Variants in ARHGAP24 observed in about 807,000 individuals in gnomAD.
The protein encoded by ARHGAP24 is rho GTPase-activating protein 24.
ARHGAP24 carries 50 observed loss-of-function variants against 76.4 expected under a neutral mutation model. That is an observed-to-expected ratio of 0.65 (90% CI 0.52 to 0.83). The LOEUF is 0.83. ARHGAP24 is among the 40% of genes least tolerant of loss of function. The pLI, the probability that ARHGAP24 is intolerant of heterozygous loss-of-function variation, is 0.00. For missense variants in ARHGAP24, 930 were observed against 914.2 expected (o/e 1.02, Z -0.22); for synonymous variants, 345 against 323.3 (o/e 1.07, Z -0.72).
chr4:85,782,976 G>C (rs1179470749), intron 3 of ARHGAP24, among the ~76,000 whole-genome samples: 1 of 152,130 alleles, frequency 6.6e-6, no homozygotes, highest in Non-Finnish European at 1.5e-5. Context: ...GATTATTGGA[G>C]TATTTGTTAC....
At position 85,813,818 on chromosome 4, in the gene ARHGAP24, TTATATA is replaced by T. The variant is rs35261368; in HGVS notation, c.268+91866_268+91871del. ...TTATATAAATATATATATATTTATT[TTATATA>T]TATATATATATATATATATTTGTAG... On this transcript the variant is annotated intron_variant, in intron 3 of 9. Transcript: ENST00000395184. Among the ~76,000 whole-genome samples, 218 of 137,144 alleles carry T rather than the reference TTATATA, an allele frequency of 1.6e-3. 1 individual carries two copies. The highest frequency in any genetic ancestry group is 4.1e-3 in the African/African-American group (150 of 36,160). 90.0% of individuals were successfully genotyped at this position (137,144 alleles called of 152,430 possible).
intron 3 of ARHGAP24, among the ~76,000 whole-genome samples, chr4:85,885,373 T>C (rs1315715547): frequency 6.6e-6 from 1 of 152,092 alleles, no homozygotes; most frequent in Non-Finnish European, 1.5e-5. Flanking sequence ...GCTTTTCAAC[T>C]AAGGGCCAGT....
chr4:85,523,828 TAA>T (rs11304208), intron 1 of ARHGAP24, among the ~76,000 whole-genome samples: 16 of 146,478 alleles, frequency 1.1e-4, no homozygotes, highest in Admixed American at 3.4e-4. Flanking sequence ...GTTCCTTGGT[TAA>T]AAAAAAAAAG....
intron 3 of ARHGAP24, among the ~76,000 whole-genome samples, chr4:85,859,096 A>G (rs1731739210): frequency 6.6e-6 from 1 of 152,042 alleles, no homozygotes; most frequent in Non-Finnish European, 1.5e-5. Context: ...GTATTAAAAC[A>G]TGGTTTGACC....
chr4:85,569,034 C>A (rs1289536879), intron 1 of ARHGAP24, among the ~76,000 whole-genome samples: 1 of 152,154 alleles, frequency 6.6e-6, no homozygotes, highest in African/African-American at 2.4e-5. Flanking sequence ...AGATTTGACC[C>A]TGAGCCTTCA....
At chr4:85,853,908 C>T (rs933247465) in intron 3 of ARHGAP24, among the ~76,000 whole-genome samples, 6 of 151,858 alleles carry the variant, frequency 4.0e-5, no homozygotes, top group African/African-American at 4.8e-5. Flanking sequence ...GAGCTGAGAT[C>T]GCACCACTGC....
chr4:85,801,673 A>T (rs1728583315), intron 3 of ARHGAP24, among the ~76,000 whole-genome samples: 1 of 152,388 alleles, frequency 6.6e-6, no homozygotes, highest in African/African-American at 2.4e-5. Context: ...TGTTCCCTGT[A>T]GATCAAACCA....
intron 4 of ARHGAP24, among the ~76,000 whole-genome samples, chr4:85,939,297 T>A (rs547039340): frequency 6.6e-6 from 1 of 152,152 alleles, no homozygotes; most frequent in African/African-American, 2.4e-5. Context: ...TTTTTAATTA[T>A]GAGAAAATGA....
intron 1 of ARHGAP24, among the ~76,000 whole-genome samples, chr4:85,524,204 C>G (rs1470344667): frequency 6.6e-6 from 1 of 152,130 alleles, no homozygotes; most frequent in Non-Finnish European, 1.5e-5. Flanking sequence ...TCTGATACCC[C>G]TCCTCCAACC....
At chr4:85,931,585 A>T (rs1736335253) in intron 4 of ARHGAP24, among the ~76,000 whole-genome samples, 1 of 152,196 alleles carries the variant, frequency 6.6e-6, no homozygotes, top group East Asian at 1.9e-4. Flanking sequence ...TCACCCTGAC[A>T]TTTCAAATAT....
At chr4:85,537,346 A>T (rs1725506209) in intron 1 of ARHGAP24, among the ~76,000 whole-genome samples, 2 of 152,146 alleles carry the variant, frequency 1.3e-5, no homozygotes, top group Non-Finnish European at 2.9e-5. Context: ...TCAGCCATTT[A>T]TATTCCAACA....
chr4:85,965,105 G>A (rs1017425016), intron 5 of ARHGAP24, among the ~76,000 whole-genome samples: 3 of 152,030 alleles, frequency 2.0e-5, no homozygotes, highest in Non-Finnish European at 4.4e-5. Flanking sequence ...AAGACATACC[G>A]GAGACTGCGC....
In ARHGAP24 at chr4:85,994,662, A is replaced by C; in HGVS notation, c.1008A>C (p.Gln336His). ...DCLFPKDAEL[Q>H]SKPQDGVSNN... ...TCTTTCCCAAAGATGCAGAACTACAAAGCAAGCCCCAAGATGGAGTGAGCA... is the reference window on the plus strand; with the variant it reads ...TCTTTCCCAAAGATGCAGAACTACACAGCAAGCCCCAAGATGGAGTGAGCA... Residue 336 changes from glutamine to histidine, a missense_variant, in exon 9 of 10, where the codon CAA (glutamine) becomes CAC (histidine). Transcript: ENST00000395184. 1 of 1,614,206 alleles carries C rather than the reference A, an allele frequency of 6.2e-7. No individual in the cohort carries two copies.
intron 3 of ARHGAP24, among the ~76,000 whole-genome samples, chr4:85,767,437 T>A (rs1274142240): frequency 1.3e-5 from 2 of 152,134 alleles, no homozygotes; most frequent in Non-Finnish European, 2.9e-5. Flanking sequence ...CACATGTGAA[T>A]GCTTCATCAC....
At chr4:85,795,379 T>C (rs956241530) in intron 3 of ARHGAP24, among the ~76,000 whole-genome samples, 2 of 152,248 alleles carry the variant, frequency 1.3e-5, no homozygotes, top group African/African-American at 4.8e-5. Flanking sequence ...TCCAGCATAA[T>C]AGAGTTGACA....
At chr4:85,645,706 C>T (rs1048445224) in intron 2 of ARHGAP24, among the ~76,000 whole-genome samples, 10 of 151,954 alleles carry the variant, frequency 6.6e-5, no homozygotes, top group African/African-American at 2.4e-4. Flanking sequence ...AAACTGACTT[C>T]CAATAAGCAT....
At chr4:85,716,648 C>T (rs1724744340) in intron 2 of ARHGAP24, among the ~76,000 whole-genome samples, 1 of 152,044 alleles carries the variant, frequency 6.6e-6, no homozygotes, top group Non-Finnish European at 1.5e-5. Flanking sequence ...TCTTTTGTCA[C>T]TCAGTATTCC....
chr4:85,800,980 A>G (rs1728556560), intron 3 of ARHGAP24, among the ~76,000 whole-genome samples: 1 of 152,232 alleles, frequency 6.6e-6, no homozygotes. Flanking sequence ...ACATAAAAAC[A>G]CAAAACGTTT....
chr4:85,568,050 A>G (rs1028948319), intron 1 of ARHGAP24, among the ~76,000 whole-genome samples: 2 of 152,242 alleles, frequency 1.3e-5, no homozygotes, highest in African/African-American at 4.8e-5. Context: ...ACTTATAAAC[A>G]ACATATGCAA....
Sources: gnomAD v4.1 joint callset for allele counts (sites outside exome capture counted in the v4.1 genomes callset) on GRCh38, gnomAD v4.1.1 for gene constraint, MANE v1.5 for transcripts, NCBI Gene and HGNC (gene_info 2026-07-23, HGNC 2026-07-21) for gene names.